The following NOTO variants were observed in gnomAD, a reference collection of about 807,000 sequenced individuals.
NOTO encodes the protein homeobox protein notochord.
NOTO carries 19 observed loss-of-function variants against 20.5 expected under a neutral mutation model. The observed-to-expected ratio is 0.93, with a 90% CI of 0.65 to 1.36. NOTO has a LOEUF of 1.36. NOTO is among the 40% of genes most tolerant of loss of function. NOTO has a pLI of 0.00. For synonymous variants in NOTO, 150 were observed against 150.2 expected, an observed-to-expected ratio of 1.00 and a Z score of 0.01; for missense variants, 369 against 336.2, an observed-to-expected ratio of 1.10 and a Z score of -0.76.
At position 73,202,897 on chromosome 2, in the gene NOTO, C is replaced by A; in HGVS notation, c.231C>A (p.Ala77=). The A allele has an allele frequency of 6.5e-7, 1 of 1,529,174 alleles. No homozygotes were observed. 94.7% of individuals were successfully genotyped at this position (1,529,174 alleles called of 1,614,324 possible). A position where few individuals can be genotyped will look rare whatever the true frequency, so the allele number is the denominator to read the frequency against. The part of the protein sequence containing the change: ...QPSGSACVHP[A]FWTAASLCAT... ...CGGGCTCCGCCTGCGTCCACCCGGCCTTCTGGACCGCTGCTTCCCTGTGCG... is the reference window on the plus strand; with the variant it reads ...CGGGCTCCGCCTGCGTCCACCCGGCATTCTGGACCGCTGCTTCCCTGTGCG... Residue 77 remains alanine (A), a synonymous_variant, in exon 1 of 3, where the codon GCC becomes GCA. Transcript: ENST00000398468.
intron 1 of NOTO, among the ~76,000 whole-genome samples, chr2:73,204,882 TTTTTA>T (rs1486022896): frequency 0.063 from 6,556 of 103,534 alleles, 943 homozygotes; most frequent in African/African-American, 0.16. Flanking sequence ...TTTTTTTATT[TTTTTA>T]TTTTTTTTTT....
At position 73,211,188 on chromosome 2, in the gene NOTO, G is replaced by A. The variant is rs1200138608; in HGVS notation, c.*259G>A. The A allele has an allele frequency of 7.2e-6, 3 of 417,402 alleles. No homozygotes were observed. The highest frequency in any genetic ancestry group is 4.0e-5 in the African/African-American group (2 of 49,648). The allele number at this position is 417,402 out of a possible 1,614,324, so 25.9% of individuals were successfully genotyped here. On this transcript the variant is annotated 3_prime_UTR_variant, in exon 3 of 3. Coordinates refer to ENST00000398468, the MANE Select transcript of NOTO (RefSeq NM_001134462.2). ...CCTTTTTTCTTTATCTGTATAATGG[G>A]TGCATTCATAACTTAGATCACCCAG...
In NOTO at chr2:73,204,766, G is replaced by A. The variant is rs191891687; in HGVS notation, c.382+1718G>A. On this transcript the variant is annotated intron_variant, in intron 1 of 2. Transcript: ENST00000398468. ...GTCTCCCAGGCTGGAGTGCAGTGGC[G>A]CTATCTCTGCTCACTACAACCTCCT... Among the ~76,000 whole-genome samples the A allele has an allele frequency of 1.8e-3, 278 of 151,944 alleles. 2 individuals are homozygous for A. Among genetic ancestry groups the A allele is most frequent in the African/African-American group, 6.0e-3 (248 of 41,416 alleles).
chr2:73,208,608 G>T lies in NOTO; in HGVS notation c.591G>T (p.Glu197Asp). Residue 197 changes from glutamate to aspartate, a missense_variant, in exon 2 of 3, where the codon GAG becomes GAT. Coordinates refer to ENST00000398468, the MANE Select transcript of NOTO (RefSeq NM_001134462.2). ...TGGCAGCTCGGCTCAAACTTACAGA[G>T]AACCAGGTGGGAGTAGGGACTCCTA... The part of the protein sequence containing the change: ...AQLAARLKLT[E>D]NQVRVWFQNR... The T allele has an allele frequency of 6.5e-7, 1 of 1,549,100 alleles. No individual in the cohort carries two copies. The highest frequency in any genetic ancestry group is 1.2e-5 in the South Asian group (1 of 83,968).
In NOTO at chr2:73,206,788, T is replaced by A. The variant is rs1170744319; in HGVS notation, c.383-1612T>A. On this transcript the variant is annotated intron_variant, in intron 1 of 2. Coordinates refer to ENST00000398468, the MANE Select transcript of NOTO (RefSeq NM_001134462.2). ...GCAGAGCTAGGATTCCAACTAGAGC[T>A]TTTTTTTTTTTTTTTTTTTTTTTTA... Among the ~76,000 whole-genome samples the A allele has an allele frequency of 6.1e-4, 27 of 44,252 alleles. 1 individual carries two copies. In the African/African-American group the frequency reaches 7.0e-3, roughly 11 times the overall value. 29.0% of individuals were successfully genotyped at this position (44,252 alleles called of 152,430 possible). A position where few individuals can be genotyped will look rare whatever the true frequency, so the allele number is the denominator to read the frequency against.
intron 1 of NOTO, among the ~76,000 whole-genome samples, chr2:73,203,490 A>G (rs1686036643): frequency 6.6e-6 from 1 of 151,766 alleles, no homozygotes; most frequent in African/African-American, 2.4e-5. Context: ...GGTAGGGGGA[A>G]GTGGACGCTC....
In NOTO at chr2:73,210,826, G is replaced by T. The variant is rs1327020673; in HGVS notation, c.653G>T (p.Arg218Met). 3 of 1,551,614 alleles carry T rather than the reference G, an allele frequency of 1.9e-6. No homozygotes were observed. The highest frequency in any genetic ancestry group is 2.4e-5 in the South Asian group (2 of 84,058). Residue 218 changes from arginine to methionine, a missense_variant, in exon 3 of 3, where the codon AGG (arginine) becomes ATG (methionine). Arg to Met is a moderately conservative substitution (Grantham distance 91). Transcript: ENST00000398468. ...RVKYQKQQKL[R>M]AAVTSAEAAS... ...AAGTATCAGAAGCAGCAAAAGCTGA[G>T]GGCAGCAGTTACATCTGCCGAGGCT...
chr2:73,204,893 T>TA (rs1308960170), intron 1 of NOTO, among the ~76,000 whole-genome samples: 1 of 144,710 alleles, frequency 6.9e-6, no homozygotes, highest in Non-Finnish European at 1.5e-5. Context: ...TTTTATTTTT[T>TA]TTTTTTGAGG....
At position 73,210,934 on chromosome 2, in the gene NOTO, T is replaced by G. The variant is rs1686171377; in HGVS notation, c.*5T>G. On this transcript the variant is annotated 3_prime_UTR_variant, in exon 3 of 3. Transcript: ENST00000398468. ...GAGTCAGGAGTGGACGGCTGAAGAC[T>G]GGGACAGAGGCCCTAGCCAGGCTGC... is the stretch of plus-strand genomic sequence containing the variant. 1.9e-6 allele frequency: 3 copies of G among 1,549,018 alleles called. No homozygotes were observed. Among genetic ancestry groups the G allele is most frequent in the Non-Finnish European group, 2.6e-6 (3 of 1,145,222 alleles).
chr2:73,206,712 G>T (rs1415396220), intron 1 of NOTO, among the ~76,000 whole-genome samples: 1 of 151,098 alleles, frequency 6.6e-6, no homozygotes, highest in African/African-American at 2.4e-5. Flanking sequence ...GGAAATCAAG[G>T]CTCACAGAAG....
chr2:73,211,920 A>G lies in NOTO; in HGVS notation c.*991A>G, dbSNP rs575799592. The G allele has an allele frequency of 6.6e-6, 1 of 152,338 alleles. No homozygotes were observed. The highest frequency in any genetic ancestry group is 1.9e-4 in the East Asian group (1 of 5,180). 9.4% of individuals were successfully genotyped at this position (152,338 alleles called of 1,614,324 possible). A position where few individuals can be genotyped will look rare whatever the true frequency, so the allele number is the denominator to read the frequency against. On this transcript the variant is annotated 3_prime_UTR_variant, in exon 3 of 3. Transcript: ENST00000398468. ...GAAGACCAAATATATATTTCATAATATCACAGCTCCCCTCACCTGGGGGAG... is the reference window on the plus strand; with the variant it reads ...GAAGACCAAATATATATTTCATAATGTCACAGCTCCCCTCACCTGGGGGAG...
rs13418681 is a variant in NOTO, at chr2:73,208,509, C to T, written c.492C>T (p.Asn164=). The stretch of plus-strand genomic sequence containing the variant: ...AAAAGAGAGTCCGAACTATGTTTAA[C>T]TTGGAGCAGCTGGAAGAGTTGGAGA... ...RQQKRVRTMF[N]LEQLEELEKV... Residue 164 remains asparagine, a synonymous_variant, in exon 2 of 3, where the codon AAC becomes AAT. Transcript: ENST00000398468. 6.4e-7 allele frequency: 1 copy of T among 1,551,522 alleles called. No homozygotes were observed. The highest frequency in any genetic ancestry group is 8.7e-7 in the Non-Finnish European group (1 of 1,146,844).
rs1465453302 is a variant in NOTO at position 73,208,353 on chromosome 2, C to A, written c.383-47C>A. ...GGGAGTGCAGGGGGCTTCTGGCTAA[C>A]CTCCCCTGCTGCTGGATAACCTCCC... On this transcript the variant is annotated intron_variant, in intron 1 of 2. Transcript: ENST00000398468. 5 of 1,357,472 alleles carry A rather than the reference C, an allele frequency of 3.7e-6. No homozygotes were observed. The East Asian group carries it at 1.0e-4, about 27-fold the overall frequency. 84.1% of individuals were successfully genotyped at this position (1,357,472 alleles called of 1,614,324 possible).
At chr2:73,203,122 C>A (rs1313600049) in intron 1 of NOTO, 74 bp downstream of exon 1, 68 of 1,289,456 alleles carry the variant, frequency 5.3e-5, no homozygotes, top group Non-Finnish European at 6.7e-5. Context: ...CTGCCGGCGC[C>A]CCAGTGCAGG....
In NOTO at chr2:73,212,076, G is replaced by C. The variant is rs146422165; in HGVS notation, c.*1147G>C. 5 of 152,320 alleles carry C rather than the reference G, an allele frequency of 3.3e-5. No individual in the cohort carries two copies. The highest frequency in any genetic ancestry group is 1.2e-4 in the African/African-American group (5 of 41,582). The allele number at this position is 152,320 out of a possible 1,614,324, so 9.4% of individuals were successfully genotyped here. The stretch of plus-strand genomic sequence containing the variant: ...GAGAGCAAAGAAGAGAAGGTAGACT[G>C]TTTAGCCCACTTCACAAAGTTTCCC... On this transcript the variant is annotated 3_prime_UTR_variant, in exon 3 of 3. Transcript: ENST00000398468.
chr2:73,206,402 C>T (rs978506922), intron 1 of NOTO, among the ~76,000 whole-genome samples: 13 of 152,194 alleles, frequency 8.5e-5, no homozygotes, highest in Non-Finnish European at 1.5e-4. Context: ...GGAGTGATCT[C>T]GGCTTGGCTC....
rs564523951 is a variant in NOTO, at chr2:73,205,634, T to C, written c.382+2586T>C. 3.5e-4 allele frequency among the ~76,000 whole-genome samples: 54 copies of C among 152,336 alleles called. 1 individual carries two copies. The highest frequency in any genetic ancestry group is 2.4e-3 in the Admixed American group (36 of 15,304). On this transcript the variant is annotated intron_variant, in intron 1 of 2. Transcript: ENST00000398468. ...TTTTAATTTTTATGTTTGATGTGTT[T>C]TTACAAATCCTTTTTTTTTTCTTTT...
chr2:73,202,852 G>A lies in NOTO; in HGVS notation c.186G>A (p.Ala62=). The A allele has an allele frequency of 1.3e-6, 2 of 1,525,914 alleles. No individual in the cohort carries two copies. Among genetic ancestry groups the A allele is most frequent in the East Asian group, 2.5e-5 (1 of 39,380 alleles). 94.5% of individuals were successfully genotyped at this position (1,525,914 alleles called of 1,614,324 possible). Residue 62 remains alanine (A), a synonymous_variant, in exon 1 of 3, where the codon GCG becomes GCA. Transcript: ENST00000398468. ...TCCTGGCGAGGCCCGACCCCTGCGC[G>A]CCGGCGGCCTCCCAGCCGTCGGGCT... ...EAILARPDPC[A]PAASQPSGSA... is the part of the protein sequence containing the mutation.
At position 73,208,766 on chromosome 2, in the gene NOTO, T is replaced by C. The variant is rs560623549; in HGVS notation, c.597+152T>C. On this transcript the variant is annotated intron_variant, in intron 2 of 2. Transcript: ENST00000398468. The stretch of plus-strand genomic sequence containing the variant: ...AGGCCCTGACTTTTTGCACACTCTA[T>C]ATAATGAAAAAAAAAAGTCCCATTT... 7.3e-5 allele frequency among the ~76,000 whole-genome samples: 11 copies of C among 151,524 alleles called. No individual in the cohort carries two copies. In the South Asian group the frequency reaches 2.3e-3, roughly 32 times the overall value.
Sources: allele counts gnomAD v4.1 joint callset (sites outside exome capture counted in the v4.1 genomes callset), GRCh38; gene constraint gnomAD v4.1.1; transcripts MANE v1.5; gene names NCBI Gene and HGNC (gene_info 2026-07-23, HGNC 2026-07-21).